ETV6: variants seen among roughly 807,000 people sequenced by gnomAD.
The protein encoded by ETV6 is ETS variant transcription factor 6.
Under a neutral mutation model 51.1 loss-of-function variants are expected in ETV6, and 16 were observed. The ratio of observed to expected loss-of-function variants is 0.31; its 90% confidence interval spans 0.21 to 0.48. ETV6 has a LOEUF of 0.48. Among genes scored for constraint, ETV6 ranks in the 20% least tolerant of loss-of-function variants. The probability of loss-of-function intolerance (pLI) is 0.99; values close to 1 mark genes in which losing one functional copy is unlikely to be tolerated. For synonymous variants in ETV6, 240 were observed against 224.1 expected (o/e 1.07, Z -0.64); for missense variants, 458 against 594.8 (o/e 0.77, Z 2.39).
chr12:11,840,404 T>A, intron 3 of ETV6: 1 of 456,076 alleles, frequency 2.2e-6, no homozygotes, highest in Non-Finnish European at 4.4e-6. Context: ...TTTATGCCTC[T>A]TGCGGGATTA....
intron 2 of ETV6, among the ~76,000 whole-genome samples, chr12:11,771,284 T>A (rs1407622414): frequency 6.6e-6 from 1 of 152,194 alleles, no homozygotes; most frequent in Non-Finnish European, 1.5e-5. Context: ...AAGAACTGAG[T>A]CTGTAACTCT....
chr12:11,832,161 G>A (rs901040515), intron 2 of ETV6, among the ~76,000 whole-genome samples: 13 of 152,330 alleles, frequency 8.5e-5, no homozygotes, highest in African/African-American at 3.1e-4. Context: ...TGGGCAGCAG[G>A]ATAAGAATAA....
intron 2 of ETV6, among the ~76,000 whole-genome samples, chr12:11,788,231 G>A (rs1197049829): frequency 6.6e-6 from 1 of 152,134 alleles, no homozygotes; most frequent in African/African-American, 2.4e-5. Context: ...GCATAGTATT[G>A]GTCTAAACCA....
chr12:11,756,748 C>T (rs1389701115), intron 2 of ETV6, among the ~76,000 whole-genome samples: 1 of 152,208 alleles, frequency 6.6e-6, no homozygotes, highest in Non-Finnish European at 1.5e-5. Flanking sequence ...GGGGCAGTTA[C>T]AGCACCTCAC....
chr12:11,840,610 A>G, intron 3 of ETV6: 3 of 428,528 alleles, frequency 7.0e-6, no homozygotes, highest in South Asian at 5.0e-5. Context: ...TCATTACAGG[A>G]GATGAGATAA....
At chr12:11,883,368 A>T (rs1947136391) in intron 5 of ETV6, among the ~76,000 whole-genome samples, 1 of 136,446 alleles carries the variant, frequency 7.3e-6, no homozygotes, top group Non-Finnish European at 1.5e-5. Context: ...ATCTCGACTT[A>T]CTGCAACTTC....
At chr12:11,658,528 C>T (rs1864044281) in intron 1 of ETV6, among the ~76,000 whole-genome samples, 3 of 152,212 alleles carry the variant, frequency 2.0e-5, no homozygotes, top group Non-Finnish European at 2.9e-5. Context: ...AGCCACTGTC[C>T]CCGGCCCCCG....
intron 1 of ETV6, among the ~76,000 whole-genome samples, chr12:11,660,036 A>G (rs1047852889): frequency 6.6e-6 from 1 of 152,228 alleles, no homozygotes; most frequent in African/African-American, 2.4e-5. Context: ...TTTATTGTGT[A>G]TTTCAAAATA....
intron 1 of ETV6, among the ~76,000 whole-genome samples, chr12:11,681,942 G>A (rs1244350659): frequency 1.3e-5 from 2 of 152,120 alleles, no homozygotes; most frequent in Non-Finnish European, 2.9e-5. Context: ...GTATATATGT[G>A]CCATATTTTC....
chr12:11,685,224 G>C (rs1386729592), intron 1 of ETV6, among the ~76,000 whole-genome samples: 1 of 150,734 alleles, frequency 6.6e-6, no homozygotes, highest in Non-Finnish European at 1.5e-5. Flanking sequence ...TTTTCAACAG[G>C]GTAAATAGGA....
intron 4 of ETV6, among the ~76,000 whole-genome samples, chr12:11,858,330 A>C (rs955476428): frequency 1.3e-4 from 20 of 152,170 alleles, no homozygotes; most frequent in Non-Finnish European, 2.4e-4. Flanking sequence ...TGTCACGTGC[A>C]GTTGTGATGA....
At chr12:11,750,921 T>G in intron 1 of ETV6, 2 of 467,962 alleles carry the variant, frequency 4.3e-6, no homozygotes, top group Non-Finnish European at 8.2e-6. Context: ...AAAAGTGCAG[T>G]TGAAAGTTTT....
chr12:11,863,725 G>A (rs1446135578), intron 4 of ETV6, among the ~76,000 whole-genome samples: 5 of 152,158 alleles, frequency 3.3e-5, no homozygotes, highest in East Asian at 3.9e-4. Flanking sequence ...TCCTGTGTCC[G>A]GAGCTTCTCT....
rs1946356804 is a variant in ETV6 at position 11,839,282 on chromosome 12, T to C, written c.306T>C (p.Phe102=). ...TCCTGCTGCTGACCAAAGAGGACTTTCGCTATCGATCTCCTCATTCAGGTG... is the reference window on the plus strand; with the variant it reads ...TCCTGCTGCTGACCAAAGAGGACTTCCGCTATCGATCTCCTCATTCAGGTG... ...KALLLLTKED[F]RYRSPHSGDV... The change falls in exon 3 of 8, where the codon TTT becomes TTC. Residue 102 remains phenylalanine (F), a synonymous_variant. Transcript: ENST00000396373. The C allele has an allele frequency of 6.2e-7, 1 of 1,613,958 alleles. No homozygotes were observed. The highest frequency in any genetic ancestry group is 1.1e-5 in the South Asian group (1 of 91,040).
At chr12:11,825,421 A>G (rs1480432558) in intron 2 of ETV6, among the ~76,000 whole-genome samples, 4 of 152,228 alleles carry the variant, frequency 2.6e-5, no homozygotes, top group Non-Finnish European at 5.9e-5. Flanking sequence ...CACCACGTGG[A>G]TAATAGGAGT....
intron 2 of ETV6, among the ~76,000 whole-genome samples, chr12:11,823,424 G>T (rs558420748): frequency 7.3e-5 from 11 of 151,386 alleles, no homozygotes; most frequent in African/African-American, 1.9e-4. Flanking sequence ...GTAAAAGGCT[G>T]TGTCTTTACT....
At chr12:11,655,637 T>C (rs932038415) in intron 1 of ETV6, among the ~76,000 whole-genome samples, 1 of 152,254 alleles carries the variant, frequency 6.6e-6, no homozygotes, top group Non-Finnish European at 1.5e-5. Flanking sequence ...TACGATGTGC[T>C]TGGAACTGTT....
intron 1 of ETV6, among the ~76,000 whole-genome samples, chr12:11,671,183 T>G (rs1413198424): frequency 6.6e-6 from 1 of 152,034 alleles, no homozygotes; most frequent in Admixed American, 6.6e-5. Flanking sequence ...GCTGCTAGAG[T>G]GGCTAGTTCT....
chr12:11,801,312 A>T (rs557075207), intron 2 of ETV6, among the ~76,000 whole-genome samples: 1 of 152,258 alleles, frequency 6.6e-6, no homozygotes, highest in African/African-American at 2.4e-5. Context: ...CTCTCTGGCT[A>T]TGACTTAGGG....
Sources: allele counts gnomAD v4.1 joint callset (sites outside exome capture counted in the v4.1 genomes callset), GRCh38; gene constraint gnomAD v4.1.1; transcripts MANE v1.5; gene names NCBI Gene and HGNC (gene_info 2026-07-23, HGNC 2026-07-21).